The following PPM1L variants were observed in gnomAD, a reference collection of about 807,000 sequenced individuals.
PPM1L encodes the protein protein phosphatase, Mg2+/Mn2+ dependent 1L.
Under a neutral mutation model 31.4 loss-of-function variants are expected in PPM1L, and 13 were observed. The ratio of observed to expected loss-of-function variants is 0.41; its 90% CI spans 0.27 to 0.66. The LOEUF (loss-of-function observed/expected upper bound fraction) is 0.66, where lower values mean the gene tolerates loss of function less well. PPM1L is among the 30% of genes least tolerant of loss of function. The pLI, the probability that PPM1L is intolerant of heterozygous loss-of-function variation, is 0.29. For synonymous variants in PPM1L, 184 were observed against 175.4 expected (o/e 1.05, Z -0.39); for missense variants, 326 against 453.7 (o/e 0.72, Z 2.56).
intron 2 of PPM1L, among the ~76,000 whole-genome samples, chr3:161,016,969 G>A (rs1718105115): frequency 6.6e-6 from 1 of 152,098 alleles, no homozygotes; most frequent in Non-Finnish European, 1.5e-5. Context: ...AAAACATAAT[G>A]CACTTCTTTT....
At position 161,069,286 on chromosome 3, in the gene PPM1L, T is replaced by C; in HGVS notation, c.*129T>C. 1.4e-6 allele frequency: 1 copy of C among 727,324 alleles called. No individual in the cohort carries two copies. Among genetic ancestry groups the C allele is most frequent in the South Asian group, 1.9e-5 (1 of 52,246 alleles). 45.1% of individuals were successfully genotyped at this position (727,324 alleles called of 1,614,324 possible). On this transcript the variant is annotated 3_prime_UTR_variant, in exon 4 of 4. Transcript: ENST00000498165. Reference sequence around the variant, plus strand: ...CAGACATGGAATCCCCCCTCCCTGGTGGTCTTAGGTCTATAATCAGTGACG... The same window carrying C: ...CAGACATGGAATCCCCCCTCCCTGGCGGTCTTAGGTCTATAATCAGTGACG...
chr3:160,906,658 T>C (rs1713773031), intron 1 of PPM1L, among the ~76,000 whole-genome samples: 1 of 146,626 alleles, frequency 6.8e-6, no homozygotes, highest in Non-Finnish European at 1.5e-5. Context: ...ACCTGGGTGC[T>C]TCTGACTCAA....
At chr3:160,809,067 G>A (rs1223555360) in intron 1 of PPM1L, among the ~76,000 whole-genome samples, 1 of 152,210 alleles carries the variant, frequency 6.6e-6, no homozygotes, top group African/African-American at 2.4e-5. Flanking sequence ...ACTGTGCCTG[G>A]CACCAGCAAG....
chr3:161,019,458 A>G (rs1012376639), intron 2 of PPM1L, among the ~76,000 whole-genome samples: 3 of 152,174 alleles, frequency 2.0e-5, no homozygotes, highest in Admixed American at 6.5e-5. Context: ...TTGGCTTGCA[A>G]AAGTGCTGAA....
At chr3:161,012,891 A>G (rs1717944010) in intron 2 of PPM1L, among the ~76,000 whole-genome samples, 1 of 151,712 alleles carries the variant, frequency 6.6e-6, no homozygotes, top group African/African-American at 2.4e-5. Context: ...TATTGCATCT[A>G]TTTGATTCTT....
intron 2 of PPM1L, among the ~76,000 whole-genome samples, chr3:160,970,607 G>A (rs1187843820): frequency 6.6e-6 from 1 of 151,008 alleles, no homozygotes; most frequent in Non-Finnish European, 1.5e-5. Flanking sequence ...GTGCAACCAC[G>A]CCCAGCTAAT....
chr3:160,779,240 A>G (rs1711667273), intron 1 of PPM1L, among the ~76,000 whole-genome samples: 1 of 152,188 alleles, frequency 6.6e-6, no homozygotes, highest in Non-Finnish European at 1.5e-5. Flanking sequence ...TTTACTGTGG[A>G]GAAGCTAGGT....
chr3:160,847,446 A>G (rs1714116722), intron 1 of PPM1L, among the ~76,000 whole-genome samples: 1 of 152,152 alleles, frequency 6.6e-6, no homozygotes, highest in African/African-American at 2.4e-5. Context: ...ATGAAGTGAA[A>G]ATAGAGTAGA....
At chr3:160,929,155 A>C (rs892473771) in intron 1 of PPM1L, among the ~76,000 whole-genome samples, 1 of 152,168 alleles carries the variant, frequency 6.6e-6, no homozygotes, top group African/African-American at 2.4e-5. Context: ...GTCTAACCAG[A>C]AAGCATTTTT....
intron 1 of PPM1L, among the ~76,000 whole-genome samples, chr3:160,847,111 C>G (rs1714100132): frequency 6.6e-6 from 1 of 152,076 alleles, no homozygotes; most frequent in Non-Finnish European, 1.5e-5. Context: ...TTTATTTCTC[C>G]TAAGAACTTG....
intron 1 of PPM1L, among the ~76,000 whole-genome samples, chr3:160,917,716 A>G (rs1326996707): frequency 1.3e-5 from 2 of 152,144 alleles, no homozygotes; most frequent in African/African-American, 4.8e-5. Flanking sequence ...GGAGAGAATC[A>G]TATTTTAAAA....
intron 1 of PPM1L, among the ~76,000 whole-genome samples, chr3:160,773,730 A>G (rs1326656088): frequency 1.3e-5 from 2 of 152,116 alleles, no homozygotes; most frequent in Non-Finnish European, 2.9e-5. Context: ...ACACTTTTTC[A>G]GACTTGAGTT....
chr3:160,846,531 A>C (rs1714081737), intron 1 of PPM1L, among the ~76,000 whole-genome samples: 1 of 152,150 alleles, frequency 6.6e-6, no homozygotes, highest in African/African-American at 2.4e-5. Flanking sequence ...AGATTGTTTC[A>C]AAAAATTGTT....
At chr3:160,933,464 CAA>C (rs1714852599) in intron 1 of PPM1L, among the ~76,000 whole-genome samples, 1 of 152,134 alleles carries the variant, frequency 6.6e-6, no homozygotes, top group Admixed American at 6.5e-5. Context: ...AATGGAAGGA[CAA>C]GAGCTCTTCT....
At chr3:161,050,096 C>G (rs930234950) in intron 2 of PPM1L, among the ~76,000 whole-genome samples, 1 of 152,184 alleles carries the variant, frequency 6.6e-6, no homozygotes, top group African/African-American at 2.4e-5. Context: ...TCCAAGCCTC[C>G]CATGATGAGT....
chr3:160,966,673 A>C (rs549828931), intron 2 of PPM1L, among the ~76,000 whole-genome samples: 1 of 152,136 alleles, frequency 6.6e-6, no homozygotes, highest in Non-Finnish European at 1.5e-5. Flanking sequence ...TTCAGAAAAC[A>C]TAAGAGTTTA....
chr3:160,858,229 AT>A (rs1711781707), intron 1 of PPM1L, among the ~76,000 whole-genome samples: 1 of 152,136 alleles, frequency 6.6e-6, no homozygotes, highest in Non-Finnish European at 1.5e-5. Flanking sequence ...AAGCAAAGTT[AT>A]TTAAAATTTC....
At chr3:160,878,697 G>A (rs1326724704) in intron 1 of PPM1L, among the ~76,000 whole-genome samples, 2 of 152,214 alleles carry the variant, frequency 1.3e-5, no homozygotes, top group African/African-American at 4.8e-5. Flanking sequence ...TTGGCTTGAA[G>A]AACCTACAGA....
At chr3:160,930,714 C>T (rs1392851537) in intron 1 of PPM1L, among the ~76,000 whole-genome samples, 4 of 152,152 alleles carry the variant, frequency 2.6e-5, no homozygotes, top group African/African-American at 4.8e-5. Flanking sequence ...ATGGGAAACA[C>T]GCAGGAGTGG....
Sources: gnomAD v4.1 joint callset for allele counts (sites outside exome capture counted in the v4.1 genomes callset) on GRCh38, gnomAD v4.1.1 for gene constraint, MANE v1.5 for transcripts, NCBI Gene and HGNC (gene_info 2026-07-23, HGNC 2026-07-21) for gene names.